KLHL14: variants seen among roughly 807,000 people sequenced by gnomAD.
KLHL14 encodes the protein kelch like family member 14.
In KLHL14, 22 loss-of-function variants were observed where a neutral mutation model predicts 64.3. The ratio of observed to expected loss-of-function variants is 0.34; its 90% CI spans 0.24 to 0.49. KLHL14 has a LOEUF of 0.49. Ranked by LOEUF, KLHL14 falls within the 20% of genes least tolerant of loss-of-function variation. The pLI, the probability that KLHL14 is intolerant of heterozygous loss-of-function variation, is 0.99. For synonymous variants in KLHL14, 322 were observed against 333.4 expected, an observed-to-expected ratio of 0.97 and a Z score of 0.37; for missense variants, 661 against 789.0, an observed-to-expected ratio of 0.84 and a Z score of 1.94.
At chr18:32,711,698 T>C (rs1342002961) in intron 3 of KLHL14, among the ~76,000 whole-genome samples, 1 of 152,218 alleles carries the variant, frequency 6.6e-6, no homozygotes. Flanking sequence ...CCATTAAGCC[T>C]GACTCTTTTT....
Position 32,770,316 on chromosome 18 carries a change from C to T in KLHL14, c.276G>A (p.Pro92=), listed in dbSNP as rs769811020. Residue 92 remains proline, a synonymous_variant, in exon 2 of 9, where the codon CCG becomes CCA. Coordinates refer to ENST00000359358, the MANE Select transcript of KLHL14 (RefSeq NM_020805.3). The surrounding 1 kb of genome is among the most constrained non-coding windows in gnomAD (Gnocchi z 6.7). ...KDQQQPPQQQ[P]SQQQQPPPQE... ...GCGGCGGCGGCTGCTGCTGCTGTGA[C>T]GGCTGCTGCTGCGGCGGCTGCTGCT... is the stretch of plus-strand genomic sequence containing the variant. 10 of 1,586,038 alleles carry T rather than the reference C, an allele frequency of 6.3e-6. No homozygotes were observed. Among genetic ancestry groups the T allele is most frequent in the Non-Finnish European group, 8.6e-6 (10 of 1,166,418 alleles).
intron 3 of KLHL14, among the ~76,000 whole-genome samples, chr18:32,717,907 T>A (rs761648457): frequency 1.3e-5 from 2 of 152,224 alleles, no homozygotes; most frequent in Admixed American, 6.5e-5. Context: ...ATTTTCTTGG[T>A]TTCATCTTTT....
chr18:32,768,390 G>C (rs1461577378), intron 2 of KLHL14, among the ~76,000 whole-genome samples: 12 of 141,676 alleles, frequency 8.5e-5, no homozygotes, highest in Admixed American at 4.9e-4. Context: ...GAAACATAAT[G>C]ACACACACAC....
intron 3 of KLHL14, among the ~76,000 whole-genome samples, chr18:32,695,855 C>A (rs1018181914): frequency 6.6e-6 from 1 of 152,094 alleles, no homozygotes; most frequent in African/African-American, 2.4e-5. Context: ...TCCTAGCCTG[C>A]CTGATGATGT....
intron 4 of KLHL14, among the ~76,000 whole-genome samples, chr18:32,693,413 CAGAGAG>C (rs56135629): frequency 0.024 from 2,369 of 96,940 alleles, 42 homozygotes; most frequent in Admixed American, 0.032. Context: ...CACACACACA[CAGAGAG>C]AGAGAGAGAG....
At chr18:32,720,092 A>C (rs577055136) in intron 3 of KLHL14, among the ~76,000 whole-genome samples, 2 of 152,372 alleles carry the variant, frequency 1.3e-5, no homozygotes, top group East Asian at 3.9e-4. Flanking sequence ...AGGCATGAGC[A>C]CTGGCCTGGG....
intron 4 of KLHL14, 34 bp downstream of exon 4, chr18:32,695,429 T>C (rs754768261): frequency 3.8e-6 from 5 of 1,306,336 alleles, no homozygotes; most frequent in African/African-American, 1.5e-5. Context: ...CACATACTTG[T>C]TGAGCACCTC....
rs763541265 is a variant in KLHL14 at position 32,680,778 on chromosome 18, T to C, written c.1239-179A>G. Among the ~76,000 whole-genome samples the C allele has an allele frequency of 3.9e-5, 6 of 152,214 alleles. No individual in the cohort carries two copies. Among genetic ancestry groups the C allele is most frequent in the Non-Finnish European group, 7.3e-5 (5 of 68,032 alleles). On this transcript the variant is annotated intron_variant, in intron 5 of 8. Coordinates refer to ENST00000359358, the MANE Select transcript of KLHL14 (RefSeq NM_020805.3). This position sits in a 1 kb window ranked among gnomAD's most constrained non-coding sequence, Gnocchi z 4.8. Reference sequence around the variant, plus strand: ...ATTCTGAGACCTTCTACAGTAATCATATGTATTGCCCTTCCTGGTTAATAT... The same window carrying C: ...ATTCTGAGACCTTCTACAGTAATCACATGTATTGCCCTTCCTGGTTAATAT...
intron 7 of KLHL14, among the ~76,000 whole-genome samples, chr18:32,679,654 C>T (rs2049828523): frequency 1.3e-5 from 2 of 151,798 alleles, no homozygotes; most frequent in African/African-American, 4.8e-5. Context: ...TGAAAAAAAG[C>T]AACAGAATTT....
rs915104022 is a variant in KLHL14, at chr18:32,693,041, C to T, written c.1159+2422G>A. 5.3e-5 allele frequency among the ~76,000 whole-genome samples: 8 copies of T among 152,106 alleles called. No homozygotes were observed. The East Asian group carries it at 5.8e-4, about 11-fold the overall frequency. ...TGTGGTGGGTGCTCTTGTTCATTAG[C>T]CCAGATTCCTTTACCAGACCGGTGC... On this transcript the variant is annotated intron_variant, in intron 4 of 8. Coordinates refer to ENST00000359358, the MANE Select transcript of KLHL14 (RefSeq NM_020805.3).
chr18:32,677,114 A>T, intron 8 of KLHL14, 59 bp downstream of exon 8: 1 of 1,536,706 alleles, frequency 6.5e-7, no homozygotes, highest in African/African-American at 1.4e-5. Flanking sequence ...ATTTGGAAGG[A>T]TACAGAAAAC....
At chr18:32,714,586 T>A (rs2050035355) in intron 3 of KLHL14, among the ~76,000 whole-genome samples, 1 of 152,212 alleles carries the variant, frequency 6.6e-6, no homozygotes, top group South Asian at 2.1e-4. Context: ...CTCTCTGGAA[T>A]TCATGGCAAC....
At chr18:32,741,897 G>T in intron 3 of KLHL14, 31 bp downstream of exon 3, 2 of 1,530,144 alleles carry the variant, frequency 1.3e-6, no homozygotes, top group Non-Finnish European at 1.8e-6. Context: ...ATAAATAGGT[G>T]AGTGAATAAA....
intron 3 of KLHL14, chr18:32,734,258 G>T (rs1293018143): frequency 5.7e-6 from 4 of 702,516 alleles, no homozygotes; most frequent in Non-Finnish European, 1.0e-5. Flanking sequence ...GAGAAGAAAT[G>T]ATATATGTCA....
intron 8 of KLHL14, among the ~76,000 whole-genome samples, chr18:32,676,428 A>T (rs1333379119): frequency 6.6e-6 from 1 of 152,232 alleles, no homozygotes; most frequent in Non-Finnish European, 1.5e-5. Flanking sequence ...TGGATATGTC[A>T]ATTTGAAAAA....
chr18:32,758,190 A>G (rs2050292638), intron 2 of KLHL14, among the ~76,000 whole-genome samples: 1 of 152,010 alleles, frequency 6.6e-6, no homozygotes, highest in African/African-American at 2.4e-5. Flanking sequence ...TGGACCGATC[A>G]CAGCTCACTG....
intron 2 of KLHL14, among the ~76,000 whole-genome samples, chr18:32,759,065 T>C (rs1421828576): frequency 6.6e-6 from 1 of 152,204 alleles, no homozygotes; most frequent in African/African-American, 2.4e-5. Context: ...CTGAAAACCA[T>C]TGAATTATAT....
At chr18:32,692,233 G>C (rs2144482426) in intron 4 of KLHL14, among the ~76,000 whole-genome samples, 1 of 152,190 alleles carries the variant, frequency 6.6e-6, no homozygotes, top group African/African-American at 2.4e-5. Flanking sequence ...ATCATCAATA[G>C]ATATAATTAT....
chr18:32,744,662 A>C (rs943768885), intron 2 of KLHL14: 2 of 152,292 alleles, frequency 1.3e-5, no homozygotes, highest in Non-Finnish European at 2.9e-5. Context: ...AAATGTGTTT[A>C]ATGGATGGCA....
Sources: gnomAD v4.1 joint callset for allele counts (sites outside exome capture counted in the v4.1 genomes callset) on GRCh38, gnomAD v4.1.1 for gene constraint, Gnocchi (gnomAD v3.1) non-coding constraint, MANE v1.5 for transcripts, NCBI Gene and HGNC (gene_info 2026-07-23, HGNC 2026-07-21) for gene names.